Variants in MACROD2 observed in about 807,000 individuals in gnomAD.
The protein encoded by MACROD2 is ADP-ribose glycohydrolase MACROD2.
Under a neutral mutation model 70.4 loss-of-function variants are expected in MACROD2, and 36 were observed. That is an observed-to-expected ratio of 0.51 (90% CI 0.39 to 0.68). The LOEUF (loss-of-function observed/expected upper bound fraction) is 0.68, where lower values mean the gene tolerates loss of function less well. Among genes scored for constraint, MACROD2 ranks in the 30% least tolerant of loss-of-function variants. The probability of loss-of-function intolerance (pLI) is 0.00; values close to 1 mark genes in which losing one functional copy is unlikely to be tolerated. For synonymous variants in MACROD2, 172 were observed against 178.8 expected, an observed-to-expected ratio of 0.96 and a Z score of 0.30; for missense variants, 496 against 538.4, an observed-to-expected ratio of 0.92 and a Z score of 0.78.
chr20:14,938,367 T>G (rs2074359745), intron 5 of MACROD2, among the ~76,000 whole-genome samples: 1 of 152,150 alleles, frequency 6.6e-6, no homozygotes, highest in African/African-American at 2.4e-5. Flanking sequence ...TATCCTTGTC[T>G]TTTTGATAAC....
chr20:14,647,695 A>G (rs531809339), intron 4 of MACROD2, among the ~76,000 whole-genome samples: 28 of 152,126 alleles, frequency 1.8e-4, no homozygotes, highest in Non-Finnish European at 3.5e-4. Flanking sequence ...AATGATGACA[A>G]ACATCCTCTT....
At chr20:15,151,184 T>C (rs1051992268) in intron 5 of MACROD2, among the ~76,000 whole-genome samples, 5 of 151,618 alleles carry the variant, frequency 3.3e-5, no homozygotes, top group African/African-American at 1.2e-4. Context: ...GCCAGGTGAG[T>C]TGGACAGTCC....
chr20:16,046,675 C>CTT (rs557907668), intron 17 of MACROD2, among the ~76,000 whole-genome samples: 1,739 of 85,482 alleles, frequency 0.02, 32 homozygotes, highest in African/African-American at 0.027. Context: ...GGTGTCAAAA[C>CTT]TTTTTTTTTT....
chr20:15,795,479 G>A (rs1331459607), intron 8 of MACROD2, among the ~76,000 whole-genome samples: 1 of 151,998 alleles, frequency 6.6e-6, no homozygotes, highest in Non-Finnish European at 1.5e-5. Context: ...GTAGGCCATG[G>A]TGTAGTTGGA....
intron 3 of MACROD2, among the ~76,000 whole-genome samples, chr20:14,478,202 T>C (rs1160486671): frequency 1.3e-5 from 2 of 152,218 alleles, no homozygotes; most frequent in East Asian, 3.9e-4. Flanking sequence ...GAAGCTGAGA[T>C]GGCCCTTCAA....
chr20:15,837,417 C>T (rs1479537822), intron 8 of MACROD2, among the ~76,000 whole-genome samples: 1 of 152,138 alleles, frequency 6.6e-6, no homozygotes, highest in African/African-American at 2.4e-5. Context: ...CTGTCTGCAA[C>T]ACTACAGACT....
intron 3 of MACROD2, among the ~76,000 whole-genome samples, chr20:14,088,285 G>A (rs1253416038): frequency 1.4e-5 from 2 of 144,586 alleles, no homozygotes; most frequent in Non-Finnish European, 3.0e-5. Flanking sequence ...AGTCGAGATC[G>A]TGCCACTGCA....
intron 4 of MACROD2, among the ~76,000 whole-genome samples, chr20:14,571,889 T>G (rs1294788993): frequency 6.6e-6 from 1 of 152,118 alleles, no homozygotes; most frequent in Non-Finnish European, 1.5e-5. Context: ...TATTATGTAA[T>G]TGTTTTTATT....
chr20:13,999,475 A>G (rs994128218), intron 1 of MACROD2, among the ~76,000 whole-genome samples: 1 of 152,216 alleles, frequency 6.6e-6, no homozygotes, highest in Non-Finnish European at 1.5e-5. Flanking sequence ...AGTAGCTTAC[A>G]TGGATTATCT....
intron 8 of MACROD2, among the ~76,000 whole-genome samples, chr20:15,516,214 T>C (rs1396729271): frequency 6.6e-6 from 1 of 152,222 alleles, no homozygotes; most frequent in Non-Finnish European, 1.5e-5. Context: ...GTCAATGTTT[T>C]CATTTCCAGT....
intron 8 of MACROD2, among the ~76,000 whole-genome samples, chr20:15,862,390 C>T (rs955498276): frequency 5.3e-5 from 8 of 152,160 alleles, no homozygotes; most frequent in African/African-American, 1.2e-4. Context: ...GTATACCTCT[C>T]GTGTGGCTGT....
At chr20:14,950,791 G>A (rs765057710) in intron 5 of MACROD2, among the ~76,000 whole-genome samples, 1 of 152,166 alleles carries the variant, frequency 6.6e-6, no homozygotes, top group African/African-American at 2.4e-5. Flanking sequence ...TGCAGGGCTT[G>A]TTTTAGGGAG....
intron 3 of MACROD2, among the ~76,000 whole-genome samples, chr20:14,441,227 G>T (rs2084118584): frequency 6.6e-6 from 1 of 152,128 alleles, no homozygotes; most frequent in Non-Finnish European, 1.5e-5. Flanking sequence ...TCTGCTCTGG[G>T]ATCGCTATGT....
chr20:14,325,715 G>A lies in MACROD2; in HGVS notation c.272-167764G>A, dbSNP rs139469546. The A allele has an allele frequency of 2.6e-4, 427 of 1,613,756 alleles. 1 individual carries two copies. Among genetic ancestry groups the A allele is most frequent in the Non-Finnish European group, 3.4e-4 (398 of 1,179,864 alleles). ...TTCGAGATGGGTTCATTGCTTATTG[G>A]TAACATCTGAAAAGAAGTTTCCCTG... On this transcript the variant is annotated intron_variant, in intron 3 of 17. Transcript: ENST00000684519.
intron 9 of MACROD2, among the ~76,000 whole-genome samples, chr20:15,865,884 G>A (rs1387617745): frequency 1.3e-5 from 2 of 152,180 alleles, no homozygotes; most frequent in Non-Finnish European, 2.9e-5. Context: ...TCCCATGGGG[G>A]TTGTGGATTG....
intron 6 of MACROD2, among the ~76,000 whole-genome samples, chr20:15,398,625 A>G (rs1040792200): frequency 6.6e-6 from 1 of 152,204 alleles, no homozygotes; most frequent in Admixed American, 6.5e-5. Flanking sequence ...TCCAGAGTTA[A>G]GTTATTCAGG....
At chr20:15,212,315 A>G (rs1033111142) in intron 5 of MACROD2, among the ~76,000 whole-genome samples, 1 of 152,178 alleles carries the variant, frequency 6.6e-6, no homozygotes, top group Non-Finnish European at 1.5e-5. Context: ...ATTAGTGCAC[A>G]TGCACACCCT....
chr20:15,243,582 T>C (rs1235802130), intron 6 of MACROD2, among the ~76,000 whole-genome samples: 1 of 151,498 alleles, frequency 6.6e-6, no homozygotes, highest in African/African-American at 2.4e-5. Context: ...TGGGGCCAAC[T>C]TGTAGTGGTT....
chr20:14,101,162 G>A (rs1180609364), intron 3 of MACROD2, among the ~76,000 whole-genome samples: 1 of 151,668 alleles, frequency 6.6e-6, no homozygotes, highest in Non-Finnish European at 1.5e-5. Context: ...TATGCACACT[G>A]CTTCTCTGCC....
Sources: allele counts gnomAD v4.1 joint callset (sites outside exome capture counted in the v4.1 genomes callset), GRCh38; gene constraint gnomAD v4.1.1; transcripts MANE v1.5; gene names NCBI Gene and HGNC (gene_info 2026-07-23, HGNC 2026-07-21).